MDGA2: variants seen among roughly 807,000 people sequenced by gnomAD.
The protein encoded by MDGA2 is MAM domain-containing glycosylphosphatidylinositol anchor protein 2.
A neutral mutation model predicts 117.8 loss-of-function variants in MDGA2; 40 were observed. The observed-to-expected ratio is 0.34, with a 90% CI of 0.26 to 0.44. MDGA2 has a LOEUF of 0.44. Ranked by LOEUF, MDGA2 falls within the 20% of genes least tolerant of loss-of-function variation. MDGA2 has a pLI of 1.00. For synonymous variants in MDGA2, 452 were observed against 439.0 expected (o/e 1.03, Z -0.37); for missense variants, 1,123 against 1,250.6 (o/e 0.90, Z 1.54).
At chr14:47,590,694 T>C (rs1896420394) in intron 1 of MDGA2, among the ~76,000 whole-genome samples, 1 of 151,962 alleles carries the variant, frequency 6.6e-6, no homozygotes, top group Non-Finnish European at 1.5e-5. Context: ...AAAGGATAAA[T>C]GCTTGACATG....
intron 2 of MDGA2, among the ~76,000 whole-genome samples, chr14:47,288,560 A>G (rs2139764855): frequency 6.6e-6 from 1 of 152,280 alleles, no homozygotes; most frequent in Admixed American, 6.5e-5. Context: ...GATTTCTGCC[A>G]AAGGCGAGTA....
chr14:47,318,263 G>A (rs775908014), intron 1 of MDGA2, among the ~76,000 whole-genome samples: 5 of 150,098 alleles, frequency 3.3e-5, no homozygotes, highest in Admixed American at 6.7e-5. Flanking sequence ...CCTTAAAAAC[G>A]CTGGAAATTC....
At chr14:47,538,462 TCTATAACAAGA>T (rs1398684037) in intron 1 of MDGA2, among the ~76,000 whole-genome samples, 6 of 152,220 alleles carry the variant, frequency 3.9e-5, no homozygotes, top group Non-Finnish European at 8.8e-5. Context: ...AGTGTTTCAG[TCTATAACAAGA>T]CTAAGCATCT....
At chr14:47,258,629 C>A (rs897600077) in intron 2 of MDGA2, among the ~76,000 whole-genome samples, 1 of 151,878 alleles carries the variant, frequency 6.6e-6, no homozygotes, top group Non-Finnish European at 1.5e-5. Context: ...AATCTTATCA[C>A]TAAAATTATA....
rs552817607 is a variant in MDGA2, at chr14:47,198,242, A to T, written c.595+19779T>A. 5.3e-5 allele frequency among the ~76,000 whole-genome samples: 8 copies of T among 152,300 alleles called. No individual in the cohort carries two copies. The South Asian group carries it at 1.5e-3, about 28-fold the overall frequency. On this transcript the variant is annotated intron_variant, in intron 3 of 16. Coordinates refer to ENST00000399232, the MANE Select transcript of MDGA2 (RefSeq NM_001113498.3). ...ATTAAATGGTTAGTCTTTACTTCTTAAACTTTGGCTAGTGATATCTACTTT... is the reference window on the plus strand; with the variant it reads ...ATTAAATGGTTAGTCTTTACTTCTTTAACTTTGGCTAGTGATATCTACTTT...
chr14:47,182,513 C>T (rs1297538424), intron 3 of MDGA2, among the ~76,000 whole-genome samples: 1 of 152,078 alleles, frequency 6.6e-6, no homozygotes, highest in African/African-American at 2.4e-5. Flanking sequence ...AGAAAGAAGC[C>T]AGCCATCTGC....
chr14:47,171,496 T>G (rs1375554483), intron 3 of MDGA2, among the ~76,000 whole-genome samples: 1 of 152,190 alleles, frequency 6.6e-6, no homozygotes, highest in East Asian at 1.9e-4. Flanking sequence ...TTTTCTAGGA[T>G]TCTTCTCAAT....
chr14:47,480,968 G>T (rs12436220), intron 1 of MDGA2, among the ~76,000 whole-genome samples: 5 of 151,584 alleles, frequency 3.3e-5, no homozygotes, highest in Admixed American at 6.6e-5. Context: ...CATCTTGTAC[G>T]AGAGTAGAAA....
At chr14:47,344,190 G>A (rs905228730) in intron 1 of MDGA2, among the ~76,000 whole-genome samples, 6 of 152,082 alleles carry the variant, frequency 3.9e-5, no homozygotes, top group South Asian at 2.1e-4. Context: ...TCCTAAAGAG[G>A]AAAGAATCTT....
chr14:47,650,614 T>G (rs2104786), intron 1 of MDGA2, among the ~76,000 whole-genome samples: 61,972 of 151,952 alleles, frequency 0.41, 13,640 homozygotes, highest in Middle Eastern at 0.51. Flanking sequence ...CTGTCCAGGG[T>G]TGCTTCCCAA....
chr14:47,567,604 G>A (rs1895943263), intron 1 of MDGA2, among the ~76,000 whole-genome samples: 1 of 152,160 alleles, frequency 6.6e-6, no homozygotes, highest in Non-Finnish European at 1.5e-5. Context: ...TACAGCATTT[G>A]TGGGAGGGCT....
At chr14:46,877,251 T>A (rs1882269096) in intron 12 of MDGA2, among the ~76,000 whole-genome samples, 1 of 151,570 alleles carries the variant, frequency 6.6e-6, no homozygotes, top group Admixed American at 6.6e-5. Context: ...GGTAAATGGC[T>A]CCATATTTCA....
At chr14:47,475,281 C>A (rs898477125) in intron 1 of MDGA2, among the ~76,000 whole-genome samples, 3 of 152,290 alleles carry the variant, frequency 2.0e-5, no homozygotes, top group Non-Finnish European at 2.9e-5. Flanking sequence ...GAGATACCAT[C>A]TTGTGCCAGT....
At chr14:47,570,647 C>CCCTATTT in intron 1 of MDGA2, among the ~76,000 whole-genome samples, 1 of 152,102 alleles carries the variant, frequency 6.6e-6, no homozygotes, top group Non-Finnish European at 1.5e-5. Flanking sequence ...CAGAAACAAG[C>CCCTATTT]AATGGGGAAA....
chr14:47,125,943 TA>T (rs561969533), intron 5 of MDGA2, among the ~76,000 whole-genome samples: 118 of 152,186 alleles, frequency 7.8e-4, no homozygotes, highest in Non-Finnish European at 1.6e-3. Flanking sequence ...TGAAATTCAT[TA>T]AAATAAATAA....
In MDGA2 at chr14:47,011,876, C is replaced by T. The variant is rs193212505; in HGVS notation, c.1819+23135G>A. Reference sequence around the variant, plus strand: ...AAAGTAGAAATAATGAAATCGTATACATTTTTTCTCAGGTTCTCTCTTTGC... The same window carrying T: ...AAAGTAGAAATAATGAAATCGTATATATTTTTTCTCAGGTTCTCTCTTTGC... On this transcript the variant is annotated intron_variant, in intron 8 of 16. Transcript: ENST00000399232. Among the ~76,000 whole-genome samples, 157 of 152,066 alleles carry T rather than the reference C, an allele frequency of 1.0e-3. 1 individual carries two copies. The highest frequency in any genetic ancestry group is 3.3e-3 in the African/African-American group (139 of 41,524).
In MDGA2 at chr14:47,235,764, G is replaced by A. The variant is rs1451738166; in HGVS notation, c.421-17569C>T. The stretch of plus-strand genomic sequence containing the variant: ...TACTTCCATTGCCATTCCCTGATGG[G>A]AGAAATAATAATAAATTATCTGTCT... On this transcript the variant is annotated intron_variant, in intron 2 of 16. Coordinates refer to ENST00000399232, the MANE Select transcript of MDGA2 (RefSeq NM_001113498.3). Among the ~76,000 whole-genome samples the A allele has an allele frequency of 2.6e-5, 4 of 151,998 alleles. No individual in the cohort carries two copies. In the South Asian group the frequency reaches 8.3e-4, roughly 32 times the overall value.
intron 7 of MDGA2, among the ~76,000 whole-genome samples, chr14:47,039,253 G>A (rs1244584586): frequency 6.6e-6 from 1 of 152,064 alleles, no homozygotes; most frequent in East Asian, 1.9e-4. Context: ...AGTCTTTCAA[G>A]CCTAAGCACC....
chr14:47,464,100 T>TAC (rs71449610), intron 1 of MDGA2, among the ~76,000 whole-genome samples: 12,347 of 141,414 alleles, frequency 0.087, 519 homozygotes, highest in South Asian at 0.11. Flanking sequence ...ACTTACTATG[T>TAC]ACACACACAC....
Sources: gnomAD v4.1 joint callset for allele counts (sites outside exome capture counted in the v4.1 genomes callset) on GRCh38, gnomAD v4.1.1 for gene constraint, MANE v1.5 for transcripts, NCBI Gene and HGNC (gene_info 2026-07-23, HGNC 2026-07-21) for gene names.